The following ZNF541 variants were observed in gnomAD, a reference collection of about 807,000 sequenced individuals.
ZNF541 encodes zinc finger protein 541.
Under a neutral mutation model 123.5 loss-of-function variants are expected in ZNF541, and 23 were observed. That is an observed-to-expected ratio of 0.19 (90% CI 0.13 to 0.26). The LOEUF (loss-of-function observed/expected upper bound fraction) is 0.26, where lower values mean the gene tolerates loss of function less well. Among genes scored for constraint, ZNF541 ranks in the 10% least tolerant of loss-of-function variants. ZNF541 has a pLI of 1.00. For synonymous variants in ZNF541, 751 were observed against 754.5 expected, an observed-to-expected ratio of 1.00 and a Z score of 0.08; for missense variants, 1,612 against 1,789.9, an observed-to-expected ratio of 0.90 and a Z score of 1.79.
intron 6 of ZNF541, among the ~76,000 whole-genome samples, chr19:47,540,642 G>A (rs1246656633): frequency 6.6e-6 from 1 of 152,290 alleles, no homozygotes; most frequent in South Asian, 2.1e-4. Flanking sequence ...GTTTCACCAT[G>A]TTGGCCAGGC....
chr19:47,529,147 T>G, intron 13 of ZNF541, 109 bp from the exon 14 acceptor site: 3 of 798,478 alleles, frequency 3.8e-6, no homozygotes. Flanking sequence ...TGAGTACCAA[T>G]TATGTGCCAA....
chr19:47,546,108 C>G lies in ZNF541; in HGVS notation c.549-128G>C, dbSNP rs909049068. 7.4e-6 allele frequency: 6 copies of G among 811,642 alleles called. No homozygotes were observed. The African/African-American group carries it at 1.1e-4, about 14-fold the overall frequency. 50.3% of individuals were successfully genotyped at this position (811,642 alleles called of 1,614,324 possible). On this transcript the variant is annotated intron_variant, in intron 4 of 16. Transcript: ENST00000391901. The stretch of plus-strand genomic sequence containing the variant: ...CAATTCAGAAATTGTACTCAGCCCC[C>G]ACGAGGAAAGACCACCCAGCAAACC...
At chr19:47,572,913 G>A (rs2123465505) in intron 1 of ZNF541, among the ~76,000 whole-genome samples, 170 bp downstream of exon 1, 1 of 152,080 alleles carries the variant, frequency 6.6e-6, no homozygotes. Context: ...GGTGAGGGGC[G>A]CCCGCCGCGC....
Position 47,545,623 on chromosome 19 carries a change from C to A in ZNF541, c.906G>T (p.Gly302=), listed in dbSNP as rs1209730231. 1.3e-6 allele frequency: 2 copies of A among 1,549,892 alleles called. No individual in the cohort carries two copies. Among genetic ancestry groups the A allele is most frequent in the East Asian group, 2.4e-5 (1 of 40,822 alleles). The change falls in exon 5 of 17, where the codon GGG becomes GGT. Residue 302 remains glycine, a synonymous_variant. Transcript: ENST00000391901. The surrounding 1 kb of genome is among the most constrained non-coding windows in gnomAD (Gnocchi z 7.5). ...PAPAGASDSE[G]RNTACPCPAS... ...CGGGGCAGGGACAGGCAGTGTTCCT[C>A]CCTTCGCTGTCTGAAGCCCCCGCCG...
Position 47,550,776 on chromosome 19 carries a change from A to C in ZNF541, c.308-1291T>G, listed in dbSNP as rs143567336. 6.9e-3 allele frequency among the ~76,000 whole-genome samples: 1,051 copies of C among 152,080 alleles called. 16 individuals carry two copies. The highest frequency in any genetic ancestry group is 0.024 in the African/African-American group (1,005 of 41,506). On this transcript the variant is annotated intron_variant, in intron 3 of 16. Transcript: ENST00000391901. ...ATCCTCCCACCTCAGCCTACTGAGT[A>C]GCTGGGACTACACGGGCCACCACCA...
chr19:47,560,866 T>C (rs550309961), intron 2 of ZNF541, among the ~76,000 whole-genome samples: 1 of 152,118 alleles, frequency 6.6e-6, no homozygotes, highest in Admixed American at 6.5e-5. Context: ...ATCCAGACAA[T>C]GGAATGTTCT....
intron 2 of ZNF541, among the ~76,000 whole-genome samples, chr19:47,559,291 G>C (rs1156362746): frequency 6.6e-6 from 1 of 151,794 alleles, no homozygotes; most frequent in Non-Finnish European, 1.5e-5. Flanking sequence ...AGAATCACTT[G>C]AACCCGGGAA....
intron 2 of ZNF541, among the ~76,000 whole-genome samples, chr19:47,563,866 A>G (rs1406771694): frequency 6.6e-6 from 1 of 152,076 alleles, no homozygotes; most frequent in East Asian, 1.9e-4. Context: ...TCGGCCTCCC[A>G]AAGTGCTGGG....
intron 4 of ZNF541, among the ~76,000 whole-genome samples, chr19:47,546,384 C>T (rs1308009983): frequency 6.6e-6 from 1 of 151,944 alleles, no homozygotes; most frequent in African/African-American, 2.4e-5. Flanking sequence ...TGGCACATGC[C>T]AGTAATCCCA....
chr19:47,544,304 C>A lies in ZNF541; in HGVS notation c.2225G>T (p.Gly742Val), dbSNP rs894750507. 6.4e-7 allele frequency: 1 copy of A among 1,551,520 alleles called. No individual in the cohort carries two copies. ...CCTGGGGTTGCCCAAGAGCCGGTAG[C>A]CTCCACCCCGGGAGCAGGCTGGGCC... ...EKGPACSRGG[G>V]YRLLGNPRAP... Residue 742 changes from glycine to valine, a missense_variant, in exon 5 of 17, where the codon GGC (glycine) becomes GTC (valine). Physicochemically the swap from Gly to Val is moderately radical, Grantham distance 109 (BLOSUM62 -3). Around this residue, in one of 5 missense-constraint regions of ZNF541, gnomAD observed 1,080 missense variants for 1,013.8 expected, o/e 1.07. Transcript: ENST00000391901.
chr19:47,555,449 G>A (rs1201662760), intron 3 of ZNF541, 101 bp downstream of exon 3: 2 of 1,223,490 alleles, frequency 1.6e-6, no homozygotes, highest in Non-Finnish European at 2.2e-6. Context: ...CCTGTAGGAG[G>A]GAAAAATTTT....
rs533396409 is a variant in ZNF541, at chr19:47,567,052, A to AAAAT, written c.-99+4840_-99+4843dup. On this transcript the variant is annotated intron_variant, in intron 2 of 16. Coordinates refer to ENST00000391901, the MANE Select transcript of ZNF541 (RefSeq NM_001277075.3). ...GGCCACAGAGCGAGACTCCATCTCA[A>AAAAT]AAATAAATAAATAAATAAATAAAAT... is the stretch of plus-strand genomic sequence containing the variant. 8.4e-4 allele frequency among the ~76,000 whole-genome samples: 127 copies of AAAAT among 151,896 alleles called. 1 individual carries two copies. In the East Asian group the frequency reaches 0.022, roughly 26 times the overall value.
chr19:47,567,223 A>C (rs1971300134), intron 2 of ZNF541, among the ~76,000 whole-genome samples: 1 of 150,742 alleles, frequency 6.6e-6, no homozygotes, highest in South Asian at 2.1e-4. Context: ...GAGGAACTAA[A>C]CTCTTTATTT....
At chr19:47,546,335 C>T (rs776001585) in intron 4 of ZNF541, among the ~76,000 whole-genome samples, 4 of 151,836 alleles carry the variant, frequency 2.6e-5, no homozygotes, top group Admixed American at 1.3e-4. Flanking sequence ...TGGTAAAACC[C>T]GTCTCTACTA....
chr19:47,524,682 T>G (rs953463540), intron 14 of ZNF541, among the ~76,000 whole-genome samples: 13 of 142,624 alleles, frequency 9.1e-5, no homozygotes, highest in African/African-American at 3.2e-4. Context: ...CACTCCAGAC[T>G]GGGTGACATA....
rs1226382443 is a variant in ZNF541 at position 47,544,578 on chromosome 19, G to A, written c.1951C>T (p.Leu651=). ...GSTRRDAKGG[L]KVAAVPTPLA... is the part of the protein sequence containing the mutation. ...GGCGTTGGAACCGCGGCCACTTTCA[G>A]TCCCCCCTTTGCGTCTCGTCTCGTG... The change falls in exon 5 of 17, where the codon CTG becomes TTG. Residue 651 remains leucine (L), a synonymous_variant. Transcript: ENST00000391901. The A allele has an allele frequency of 1.3e-6, 2 of 1,551,260 alleles. No individual in the cohort carries two copies.
At chr19:47,526,481 CAA>C (rs71180847) in intron 14 of ZNF541, among the ~76,000 whole-genome samples, 3 of 34,968 alleles carry the variant, frequency 8.6e-5, no homozygotes, top group Non-Finnish European at 1.0e-4. Flanking sequence ...GACTCCATCT[CAA>C]AAAAAAAAAA....
chr19:47,529,184 A>C (rs1243477604), intron 13 of ZNF541, 146 bp from the exon 14 acceptor site: 2 of 656,494 alleles, frequency 3.0e-6, no homozygotes, highest in Admixed American at 5.6e-5. Flanking sequence ...AAAAGTCTCC[A>C]GAAGGGAGGG....
In ZNF541 at chr19:47,555,262, CCG is replaced by C. The variant is rs1970768920; in HGVS notation, c.307+286_307+287del. Among the ~76,000 whole-genome samples the C allele has an allele frequency of 5.4e-5, 8 of 148,904 alleles. No individual in the cohort carries two copies. The South Asian group carries it at 1.7e-3, about 32-fold the overall frequency. The stretch of plus-strand genomic sequence containing the variant: ...GCGGGCGCCTGTAGTCCCAGCTACT[CCG>C]GAGGCTGAGGCAGGAGAATGGTGTG... On this transcript the variant is annotated intron_variant, in intron 3 of 16. Transcript: ENST00000391901.
Sources: allele counts gnomAD v4.1 joint callset (sites outside exome capture counted in the v4.1 genomes callset), GRCh38; gene constraint gnomAD v4.1.1; regional missense constraint gnomAD v4.1.1; non-coding constraint Gnocchi (gnomAD v3.1); transcripts MANE v1.5; gene names NCBI Gene and HGNC (gene_info 2026-07-23, HGNC 2026-07-21).